Variants in IFT27 observed in about 807,000 individuals in gnomAD.
IFT27 encodes intraflagellar transport protein 27 homolog.
In IFT27, 19 loss-of-function variants were observed where a neutral mutation model predicts 23.9. That is an observed-to-expected ratio of 0.79 (90% CI 0.55 to 1.16). The LOEUF (loss-of-function observed/expected upper bound fraction) is 1.16, where lower values mean the gene tolerates loss of function less well. Ranked by LOEUF, IFT27 falls within the 50% of genes most tolerant of loss-of-function variation. The probability of loss-of-function intolerance (pLI) is 0.00; values close to 1 mark genes in which losing one functional copy is unlikely to be tolerated. For missense variants in IFT27, 206 were observed against 228.7 expected (o/e 0.90, Z 0.64); for synonymous variants, 91 against 89.1 (o/e 1.02, Z -0.12).
At chr22:36,769,782 G>C (rs1201506324) in intron 1 of IFT27, among the ~76,000 whole-genome samples, 2 of 152,170 alleles carry the variant, frequency 1.3e-5, no homozygotes, top group African/African-American at 4.8e-5. Context: ...CTTGGGCCCT[G>C]ACTGCACCCG....
Position 36,767,383 on chromosome 22 carries a change from G to T in IFT27, c.115-18C>A. The T allele has an allele frequency of 1.9e-6, 3 of 1,609,056 alleles. No individual in the cohort carries two copies. The highest frequency in any genetic ancestry group is 1.7e-6 in the Non-Finnish European group (2 of 1,177,004). ...CCTGTTGTCTGCCGAGGAACACCAA[G>T]AATGTTAGCACTGAGGGCCCCCAAA... On this transcript the variant is annotated intron_variant, in intron 2 of 6. Coordinates refer to ENST00000433985, the MANE Select transcript of IFT27 (RefSeq NM_001177701.3).
At chr22:36,762,877 G>C (rs757684508) in intron 6 of IFT27, 27 bp downstream of exon 6, 1 of 1,484,434 alleles carries the variant, frequency 6.7e-7, no homozygotes, top group Non-Finnish European at 9.2e-7. Context: ...CTCCAGACTT[G>C]GCGACGAGGC....
At chr22:36,766,928 C>CTTT (rs11428853) in intron 3 of IFT27, 30 of 149,512 alleles carry the variant, frequency 2.0e-4, no homozygotes, top group Non-Finnish European at 2.9e-4. Context: ...AGTACTTATA[C>CTTT]TTTTTTTTTT....
At chr22:36,770,486 A>G (rs1938364132) in intron 1 of IFT27, among the ~76,000 whole-genome samples, 1 of 152,044 alleles carries the variant, frequency 6.6e-6, no homozygotes, top group Non-Finnish European at 1.5e-5. Flanking sequence ...CTCCCTCCCA[A>G]GCTTTGTCTG....
intron 6 of IFT27, chr22:36,759,153 G>A (rs1938011082): frequency 6.6e-6 from 1 of 152,368 alleles, no homozygotes; most frequent in Non-Finnish European, 1.5e-5. Flanking sequence ...CTGATGGGGT[G>A]GGGAGGGGCA....
intron 6 of IFT27, 22 bp downstream of exon 6, chr22:36,762,882 C>T (rs779217223): frequency 2.7e-5 from 40 of 1,502,280 alleles, no homozygotes; most frequent in South Asian, 6.4e-5. Context: ...GACTTGGCGA[C>T]GAGGCAAGTG....
In IFT27 at chr22:36,775,982, G is replaced by A; in HGVS notation, c.-275C>T. 3 of 569,618 alleles carry A rather than the reference G, an allele frequency of 5.3e-6. No individual in the cohort carries two copies. The highest frequency in any genetic ancestry group is 9.4e-6 in the Non-Finnish European group (3 of 317,548). 35.3% of individuals were successfully genotyped at this position (569,618 alleles called of 1,614,324 possible). On this transcript the variant is annotated 5_prime_UTR_variant, in exon 1 of 7. Coordinates refer to ENST00000433985, the MANE Select transcript of IFT27 (RefSeq NM_001177701.3). ...CACGGCAGTCTGAAAAGGTGCAAGCGAGCGGACACGGCCTGTGCTCCCCGC... is the reference window on the plus strand; with the variant it reads ...CACGGCAGTCTGAAAAGGTGCAAGCAAGCGGACACGGCCTGTGCTCCCCGC...
Position 36,762,959 on chromosome 22 carries a change from G to T in IFT27, c.407C>A (p.Ala136Asp). The T allele has an allele frequency of 6.2e-7, 1 of 1,605,944 alleles. No individual in the cohort carries two copies. Among genetic ancestry groups the T allele is most frequent in the Middle Eastern group, 1.7e-4 (1 of 6,044 alleles). Reference protein sequence around the residue: ...DLAGRRAVDSAEARAWALGQG... With the variant: ...DLAGRRAVDSDEARAWALGQG... The stretch of plus-strand genomic sequence containing the variant: ...GCCCAGCGCCCATGCCCGGGCCTCA[G>T]CTGAGTCCACTGCTCGTCTGCCGGC... Residue 136 changes from alanine to aspartate, a missense_variant, in exon 6 of 7, where the codon GCT (alanine) becomes GAT (aspartate). Coordinates refer to ENST00000433985, the MANE Select transcript of IFT27 (RefSeq NM_001177701.3).
chr22:36,770,570 G>C (rs939338712), intron 1 of IFT27, among the ~76,000 whole-genome samples: 2 of 152,190 alleles, frequency 1.3e-5, no homozygotes, highest in Non-Finnish European at 2.9e-5. Context: ...CTACAGCCAA[G>C]CTCCGTCATG....
At chr22:36,767,648 G>A (rs554159173) in intron 2 of IFT27, 135 bp downstream of exon 2, 12 of 835,426 alleles carry the variant, frequency 1.4e-5, no homozygotes, top group Admixed American at 4.1e-5. Flanking sequence ...TGGAAAAAAC[G>A]ATCTCCACGT....
At chr22:36,764,573 G>C (rs141513692) in intron 4 of IFT27, among the ~76,000 whole-genome samples, 5 of 152,360 alleles carry the variant, frequency 3.3e-5, no homozygotes, top group African/African-American at 9.6e-5. Context: ...CCTGAAAGAA[G>C]ATTCTTTCTT....
Position 36,762,952 on chromosome 22 carries a change from G to A in IFT27, c.414C>T (p.Ala138=). The A allele has an allele frequency of 6.2e-7, 1 of 1,600,474 alleles. No homozygotes were observed. The highest frequency in any genetic ancestry group is 8.5e-7 in the Non-Finnish European group (1 of 1,171,566). ...GGCCCTGGCCCAGCGCCCATGCCCG[G>A]GCCTCAGCTGAGTCCACTGCTCGTC... ...AGRRAVDSAE[A]RAWALGQGLE... Residue 138 remains alanine (A), a synonymous_variant, in exon 6 of 7, where the codon GCC becomes GCT. Coordinates refer to ENST00000433985, the MANE Select transcript of IFT27 (RefSeq NM_001177701.3).
intron 1 of IFT27, among the ~76,000 whole-genome samples, chr22:36,772,162 C>T (rs1328385800): frequency 1.3e-5 from 2 of 152,204 alleles, no homozygotes; most frequent in African/African-American, 2.4e-5. Flanking sequence ...GTGTGGCTAA[C>T]GTGGATCGTT....
At chr22:36,761,060 C>A (rs1938077256) in intron 6 of IFT27, 1 of 156,960 alleles carries the variant, frequency 6.4e-6, no homozygotes, top group African/African-American at 2.4e-5. Context: ...TGAGCCTCAA[C>A]TCAGGGGGGA....
intron 5 of IFT27, chr22:36,763,648 C>T: frequency 1.9e-6 from 1 of 536,192 alleles, no homozygotes. Flanking sequence ...GAATTAACAA[C>T]TGATATTACA....
intron 1 of IFT27, among the ~76,000 whole-genome samples, chr22:36,774,314 G>T (rs929391286): frequency 2.0e-5 from 3 of 152,154 alleles, no homozygotes; most frequent in Non-Finnish European, 4.4e-5. Flanking sequence ...TTTAAAACAG[G>T]AATCTCTTTT....
chr22:36,768,829 C>G (rs112239733), intron 1 of IFT27, among the ~76,000 whole-genome samples: 2,455 of 152,324 alleles, frequency 0.016, 73 homozygotes, highest in African/African-American at 0.053. Flanking sequence ...GACTTGCACT[C>G]CACCGTCCAG....
chr22:36,763,750 C>T (rs1938160074), intron 5 of IFT27, 169 bp downstream of exon 5: 3 of 699,338 alleles, frequency 4.3e-6, no homozygotes, highest in African/African-American at 1.7e-5. Context: ...TGTGGTGACT[C>T]ACCGAGGTTG....
intron 4 of IFT27, 96 bp from the exon 5 acceptor site, chr22:36,764,132 G>C (rs1436432931): frequency 3.7e-6 from 3 of 814,600 alleles, no homozygotes; most frequent in South Asian, 2.9e-5. Flanking sequence ...AGGGTATGGG[G>C]AGCAGAGGGA....
Sources: allele counts gnomAD v4.1 joint callset (sites outside exome capture counted in the v4.1 genomes callset), GRCh38; gene constraint gnomAD v4.1.1; transcripts MANE v1.5; gene names NCBI Gene and HGNC (gene_info 2026-07-23, HGNC 2026-07-21).